The following KYNU variants were observed in gnomAD, a reference collection of about 807,000 sequenced individuals.
KYNU encodes the protein kynureninase, also known as L-kynurenine hydrolase.
In KYNU, 54 loss-of-function variants were observed where a neutral mutation model predicts 59.2. That is an observed-to-expected ratio of 0.91 (90% CI 0.73 to 1.14). The LOEUF is 1.14. Among genes scored for constraint, KYNU ranks in the 50% most tolerant of loss-of-function variants. The probability of loss-of-function intolerance (pLI) is 0.00; values close to 1 mark genes in which losing one functional copy is unlikely to be tolerated. For synonymous variants in KYNU, 177 were observed against 192.0 expected (o/e 0.92, Z 0.65); for missense variants, 567 against 554.4 (o/e 1.02, Z -0.23).
intron 8 of KYNU, among the ~76,000 whole-genome samples, chr2:142,965,939 C>T (rs1339029636): frequency 2.0e-5 from 3 of 152,064 alleles, no homozygotes; most frequent in East Asian, 1.9e-4. Context: ...TCTTCCCCCT[C>T]GCTCTCCTTT....
intron 2 of KYNU, among the ~76,000 whole-genome samples, chr2:142,916,055 T>G (rs1682658675): frequency 1.3e-5 from 2 of 152,142 alleles, no homozygotes; most frequent in Admixed American, 1.3e-4. Context: ...TCCATCACAG[T>G]GCTTGAAAGT....
At chr2:143,029,956 G>T (rs1686695464) in intron 11 of KYNU, among the ~76,000 whole-genome samples, 1 of 152,170 alleles carries the variant, frequency 6.6e-6, no homozygotes, top group African/African-American at 2.4e-5. Context: ...AACATAGAGT[G>T]CCTGAAACAC....
At chr2:142,912,703 CTTTTTTTTT>C (rs1163302368) in intron 2 of KYNU, among the ~76,000 whole-genome samples, 1 of 71,836 alleles carries the variant, frequency 1.4e-5, no homozygotes, top group Non-Finnish European at 2.4e-5. Flanking sequence ...TTCTTTCTTC[CTTTTTTTTT>C]TTTTTTTTTT....
chr2:142,882,192 C>G (rs779160418), intron 1 of KYNU, among the ~76,000 whole-genome samples: 11 of 152,040 alleles, frequency 7.2e-5, no homozygotes, highest in Admixed American at 2.6e-4. Flanking sequence ...ATCTATCCAC[C>G]AGTCCTATCT....
At chr2:142,931,331 C>A (rs1280736470) in intron 4 of KYNU, among the ~76,000 whole-genome samples, 1 of 152,128 alleles carries the variant, frequency 6.6e-6, no homozygotes, top group Non-Finnish European at 1.5e-5. Flanking sequence ...GTGTGGGCAC[C>A]TTGGAAAAAC....
chr2:142,975,150 C>T (rs1373916038), intron 8 of KYNU, among the ~76,000 whole-genome samples: 1 of 152,088 alleles, frequency 6.6e-6, no homozygotes, highest in Non-Finnish European at 1.5e-5. Context: ...CACCCTGGCT[C>T]ACCATGACTG....
intron 8 of KYNU, among the ~76,000 whole-genome samples, chr2:142,964,368 G>A (rs1573847787): frequency 6.6e-6 from 1 of 152,006 alleles, no homozygotes; most frequent in Non-Finnish European, 1.5e-5. Flanking sequence ...AATCAATAAT[G>A]CCAATCCTCC....
rs909374588 is a variant in KYNU at position 142,945,838 on chromosome 2, A to G, written c.374-8972A>G. Among the ~76,000 whole-genome samples the G allele has an allele frequency of 4.9e-4, 74 of 151,886 alleles. 1 individual carries two copies. The highest frequency in any genetic ancestry group is 1.6e-3 in the African/African-American group (66 of 41,396). On this transcript the variant is annotated intron_variant, in intron 4 of 13. Transcript: ENST00000264170. ...CTGCAACCTCTGCCTCCCAGGTTCA[A>G]GTGATTCTCCTGACTCAAACTCCCA...
intron 12 of KYNU, among the ~76,000 whole-genome samples, chr2:143,040,021 T>C (rs1197211857): frequency 1.3e-5 from 2 of 152,134 alleles, no homozygotes; most frequent in Non-Finnish European, 2.9e-5. Context: ...GGCAAAACTC[T>C]TGATAGGCTT....
chr2:142,982,827 G>A (rs1036547954), intron 8 of KYNU, among the ~76,000 whole-genome samples: 2 of 151,992 alleles, frequency 1.3e-5, no homozygotes, highest in Admixed American at 6.6e-5. Flanking sequence ...AGCAAGGATT[G>A]TTACTCTTAT....
intron 4 of KYNU, among the ~76,000 whole-genome samples, chr2:142,929,910 C>T (rs189131932): frequency 9.2e-5 from 14 of 152,308 alleles, no homozygotes; most frequent in Admixed American, 7.8e-4. Flanking sequence ...GGGTTCTAGT[C>T]TCTCAGTTCA....
intron 4 of KYNU, chr2:142,947,130 A>G: frequency 6.4e-7 from 1 of 1,551,068 alleles, no homozygotes; most frequent in Non-Finnish European, 8.7e-7. Context: ...GACCCCCAAC[A>G]CAATCAACCT....
rs1010248868 is a variant in KYNU at position 143,054,993 on chromosome 2, G to C, written c.*12821G>C. 3 of 152,038 alleles carry C rather than the reference G, an allele frequency of 2.0e-5. No homozygotes were observed. Among genetic ancestry groups the C allele is most frequent in the African/African-American group, 7.3e-5 (3 of 41,330 alleles). 9.4% of individuals were successfully genotyped at this position (152,038 alleles called of 1,614,324 possible). A position where few individuals can be genotyped will look rare whatever the true frequency, so the allele number is the denominator to read the frequency against. Reference sequence around the variant, plus strand: ...GTTAGCTGTGATAATAGTATTGTGGGAGTAAGAAGCTATTCATATTTCTAT... The same window carrying C: ...GTTAGCTGTGATAATAGTATTGTGGCAGTAAGAAGCTATTCATATTTCTAT... On this transcript the variant is annotated 3_prime_UTR_variant, in exon 14 of 14. Transcript: ENST00000264170.
At chr2:143,006,553 C>G (rs1281848333) in intron 10 of KYNU, among the ~76,000 whole-genome samples, 2 of 102,510 alleles carry the variant, frequency 2.0e-5, no homozygotes, top group Non-Finnish European at 4.0e-5. Flanking sequence ...TGGAGCCCAC[C>G]ACAGCTCAAG....
chr2:142,971,010 G>T (rs1684703044), intron 8 of KYNU, among the ~76,000 whole-genome samples: 1 of 152,096 alleles, frequency 6.6e-6, no homozygotes, highest in Non-Finnish European at 1.5e-5. Context: ...CTAGAGGTTT[G>T]CTTTGTGTAG....
At chr2:143,032,767 C>T (rs1686794514) in intron 11 of KYNU, among the ~76,000 whole-genome samples, 1 of 49,876 alleles carries the variant, frequency 2.0e-5, no homozygotes, top group Admixed American at 2.3e-4. Flanking sequence ...TAAGAGAAAC[C>T]ACTTGACCTA....
In KYNU at chr2:143,033,340, A is replaced by C. The variant is rs776323708; in HGVS notation, c.1041+19A>C. ...TTTAGAGGTAAGTGATGTGTGTTTC[A>C]ACCTTCCCACATCTTTGCGTTTTTT... is the stretch of plus-strand genomic sequence containing the variant. On this transcript the variant is annotated intron_variant, in intron 12 of 13. Transcript: ENST00000264170. 2 of 1,552,972 alleles carry C rather than the reference A, an allele frequency of 1.3e-6. No individual in the cohort carries two copies. The highest frequency in any genetic ancestry group is 3.3e-5 in the Admixed American group (2 of 59,948).
At chr2:143,017,615 T>G (rs1686295222) in intron 10 of KYNU, among the ~76,000 whole-genome samples, 1 of 151,860 alleles carries the variant, frequency 6.6e-6, no homozygotes, top group Non-Finnish European at 1.5e-5. Flanking sequence ...ATTTTGTATT[T>G]TTAGTAGAGA....
chr2:142,896,158 G>A (rs1043601132), intron 2 of KYNU, among the ~76,000 whole-genome samples: 2 of 152,190 alleles, frequency 1.3e-5, no homozygotes, highest in Non-Finnish European at 2.9e-5. Context: ...TAAGTTGATT[G>A]CTGGATCATA....
Sources: gnomAD v4.1 joint callset for allele counts (sites outside exome capture counted in the v4.1 genomes callset) on GRCh38, gnomAD v4.1.1 for gene constraint, MANE v1.5 for transcripts, NCBI Gene and HGNC (gene_info 2026-07-23, HGNC 2026-07-21) for gene names.